Variants in FAM47E observed in about 807,000 individuals in gnomAD.
FAM47E encodes the protein family with sequence similarity 47 member E, also known as protein FAM47E.
FAM47E carries 32 observed loss-of-function variants against 41.6 expected under a neutral mutation model. The ratio of observed to expected loss-of-function variants is 0.77; its 90% CI spans 0.58 to 1.03. FAM47E has a LOEUF of 1.03. Among genes scored for constraint, FAM47E ranks in the 50% least tolerant of loss-of-function variants. The pLI, the probability that FAM47E is intolerant of heterozygous loss-of-function variation, is 0.00. For missense variants in FAM47E, 424 were observed against 485.4 expected (o/e 0.87, Z 1.19); for synonymous variants, 184 against 188.7 (o/e 0.98, Z 0.20).
intron 1 of FAM47E, among the ~76,000 whole-genome samples, chr4:76,216,729 T>C (rs1004723517): frequency 6.6e-6 from 1 of 152,214 alleles, no homozygotes; most frequent in East Asian, 1.9e-4. Flanking sequence ...CACTTCCCCT[T>C]TAAAACTCTG....
At chr4:76,245,701 C>G (rs1310063428) in intron 2 of FAM47E, among the ~76,000 whole-genome samples, 1 of 152,158 alleles carries the variant, frequency 6.6e-6, no homozygotes, top group Non-Finnish European at 1.5e-5. Context: ...TAGCTACACT[C>G]CCACCAGCAA....
rs575833989 is a variant in FAM47E, at chr4:76,283,699, T to A, written c.*241T>A. On this transcript the variant is annotated 3_prime_UTR_variant, in exon 8 of 8. Coordinates refer to ENST00000424749, the MANE Select transcript of FAM47E (RefSeq NM_001136570.3). ...CCATGAGATCAATATTCACATGTAA[T>A]CTTCTCATATTTTTGTGGCACGTGA... The A allele has an allele frequency of 2.7e-6, 1 of 371,252 alleles. No individual in the cohort carries two copies. Among genetic ancestry groups the A allele is most frequent in the African/African-American group, 2.0e-5 (1 of 49,440 alleles). 23.0% of individuals were successfully genotyped at this position (371,252 alleles called of 1,614,324 possible).
intron 3 of FAM47E, chr4:76,267,976 AC>A (rs1419744886): frequency 6.6e-6 from 1 of 152,242 alleles, no homozygotes; most frequent in Non-Finnish European, 1.5e-5. Context: ...TGGTGGTTGC[AC>A]AACTTTGTGA....
chr4:76,217,712 G>A (rs759014095), intron 2 of FAM47E: 29 of 550,978 alleles, frequency 5.3e-5, no homozygotes, highest in Middle Eastern at 2.7e-4. Flanking sequence ...AACACAAACA[G>A]ACAAGGGCGG....
At chr4:76,247,005 G>T (rs1459735339), upstream of FAM47E, among the ~76,000 whole-genome samples, 2 of 151,648 alleles carry the variant, frequency 1.3e-5, no homozygotes, top group African/African-American at 4.9e-5. Flanking sequence ...TAATTTGGTG[G>T]CATTAATTAC....
At chr4:76,245,643 T>C (rs1055377980) in intron 2 of FAM47E, among the ~76,000 whole-genome samples, 1 of 152,164 alleles carries the variant, frequency 6.6e-6, no homozygotes, top group Admixed American at 6.5e-5. Context: ...AGATACCATA[T>C]ACTTGGTTTG....
chr4:76,238,416 T>C (rs1733632573), intron 2 of FAM47E, among the ~76,000 whole-genome samples: 1 of 152,204 alleles, frequency 6.6e-6, no homozygotes, highest in African/African-American at 2.4e-5. Flanking sequence ...GGGCAACAAC[T>C]GCTCTGTGGG....
intron 2 of FAM47E, among the ~76,000 whole-genome samples, chr4:76,227,177 C>A (rs1733413003): frequency 6.6e-6 from 1 of 152,116 alleles, no homozygotes; most frequent in South Asian, 2.1e-4. Flanking sequence ...ATGAACTTTC[C>A]TCTTAGCACC....
chr4:76,233,495 T>C (rs1297111840), intron 2 of FAM47E, among the ~76,000 whole-genome samples: 2 of 152,190 alleles, frequency 1.3e-5, no homozygotes, highest in Middle Eastern at 3.2e-3. Flanking sequence ...ACAGCTTTTA[T>C]CTTCCCTTAA....
intron 2 of FAM47E, among the ~76,000 whole-genome samples, chr4:76,223,731 G>T (rs987721549): frequency 6.6e-6 from 1 of 152,138 alleles, no homozygotes; most frequent in African/African-American, 2.4e-5. Flanking sequence ...GTCCCTCAAG[G>T]CCCAGTCACA....
intron 2 of FAM47E, among the ~76,000 whole-genome samples, chr4:76,225,037 T>C (rs1384371212): frequency 6.6e-6 from 1 of 152,158 alleles, no homozygotes; most frequent in African/African-American, 2.4e-5. Flanking sequence ...GAAGATACAA[T>C]GTTTGGTTTT....
chr4:76,220,960 G>T (rs1478713722), intron 2 of FAM47E, among the ~76,000 whole-genome samples: 1 of 152,160 alleles, frequency 6.6e-6, no homozygotes, highest in Non-Finnish European at 1.5e-5. Context: ...GGGGATGGCA[G>T]CTTCCTCCTG....
intron 5 of FAM47E, among the ~76,000 whole-genome samples, chr4:76,274,533 A>G (rs1161337969): frequency 6.6e-6 from 1 of 152,158 alleles, no homozygotes; most frequent in Non-Finnish European, 1.5e-5. Flanking sequence ...GTGAGCTATG[A>G]TTGTGCCACT....
At chr4:76,231,897 G>A (rs755419654) in intron 2 of FAM47E, among the ~76,000 whole-genome samples, 4 of 152,168 alleles carry the variant, frequency 2.6e-5, no homozygotes, top group East Asian at 1.9e-4. Flanking sequence ...TTTTATTGGC[G>A]CTGCAAGTCA....
At chr4:76,254,128 G>GAAA (rs35201794) in intron 1 of FAM47E, among the ~76,000 whole-genome samples, 1 of 129,708 alleles carries the variant, frequency 7.7e-6, no homozygotes, top group East Asian at 2.3e-4. Context: ...ACCCTGTCTT[G>GAAA]AAAAAAAAAA....
intron 7 of FAM47E, chr4:76,280,837 G>C (rs565810188): frequency 6.6e-6 from 1 of 152,388 alleles, no homozygotes; most frequent in African/African-American, 2.4e-5. Context: ...TTCACTTCCT[G>C]GGGGGCCTGG....
At chr4:76,222,230 T>C (rs1733321732) in intron 2 of FAM47E, among the ~76,000 whole-genome samples, 2 of 151,776 alleles carry the variant, frequency 1.3e-5, no homozygotes, top group East Asian at 1.9e-4. Context: ...CTATCTTCTT[T>C]TTTTTTTTTT....
At chr4:76,254,714 C>T (rs892292094) in intron 1 of FAM47E, among the ~76,000 whole-genome samples, 2 of 152,122 alleles carry the variant, frequency 1.3e-5, no homozygotes, top group East Asian at 3.8e-4. Flanking sequence ...TAAAAGGGGT[C>T]TGAAGGTGGA....
In FAM47E at chr4:76,218,360, G is replaced by A. The variant is rs766325836; in HGVS notation, c.81+672G>A. On this transcript the variant is annotated intron_variant, in intron 2 of 7. Transcript: ENST00000510197. The stretch of plus-strand genomic sequence containing the variant: ...CTCCTCCCCTACCCATCATTCCAAA[G>A]TTCTTACATTACAGAACTGCTTTAT... Among the ~76,000 whole-genome samples, 112 of 152,278 alleles carry A rather than the reference G, an allele frequency of 7.4e-4. 1 individual carries two copies. Among genetic ancestry groups the A allele is most frequent in the Non-Finnish European group, 1.2e-3 (81 of 68,008 alleles).
Sources: allele counts gnomAD v4.1 joint callset (sites outside exome capture counted in the v4.1 genomes callset), GRCh38; gene constraint gnomAD v4.1.1; transcripts MANE v1.5; gene names NCBI Gene and HGNC (gene_info 2026-07-23, HGNC 2026-07-21).